BRAF: variants seen among roughly 807,000 people sequenced by gnomAD.
BRAF encodes the protein B-Raf proto-oncogene, serine/threonine kinase.
BRAF carries 16 observed loss-of-function variants against 104.6 expected under a neutral mutation model. That is an observed-to-expected ratio of 0.15 (90% CI 0.10 to 0.23). The LOEUF is 0.23. BRAF is among the 10% of genes least tolerant of loss of function. BRAF has a pLI of 1.00. For synonymous variants in BRAF, 310 were observed against 341.6 expected (o/e 0.91, Z 1.02); for missense variants, 541 against 937.3 (o/e 0.58, Z 5.52).
chr7:140,724,786 G>A lies in BRAF; in HGVS notation c.*1708C>T. The A allele has an allele frequency of 9.7e-7, 1 of 1,035,036 alleles. No homozygotes were observed. Among genetic ancestry groups the A allele is most frequent in the South Asian group, 4.6e-5 (1 of 21,712 alleles). The allele number at this position is 1,035,036 out of a possible 1,614,324, so 64.1% of individuals were successfully genotyped here. A position where few individuals can be genotyped will look rare whatever the true frequency, so the allele number is the denominator to read the frequency against. On this transcript the variant is annotated 3_prime_UTR_variant, in exon 20 of 20. Coordinates refer to ENST00000644969, the MANE Select transcript of BRAF (RefSeq NM_001374258.1). ...TCAAGTCCTTGGCTATAGCTTGGTT[G>A]GTCTGATTTGATTTGTGTTCCTAAA...
chr7:140,726,808 A>C (rs916318638), intron 19 of BRAF, among the ~76,000 whole-genome samples: 10 of 152,250 alleles, frequency 6.6e-5, no homozygotes, highest in African/African-American at 2.4e-4. Flanking sequence ...CAATGAACAA[A>C]ATTTCTCAGA....
intron 1 of BRAF, among the ~76,000 whole-genome samples, chr7:140,913,732 A>G (rs1005587813): frequency 2.6e-5 from 4 of 152,064 alleles, no homozygotes; most frequent in Admixed American, 1.3e-4. Flanking sequence ...TCCACCCGCC[A>G]GGGCCTTTCA....
chr7:140,734,589 C>T (rs2130867175), intron 19 of BRAF: 6 of 1,613,550 alleles, frequency 3.7e-6, no homozygotes, highest in Non-Finnish European at 5.1e-6. Flanking sequence ...CTCTCTCACT[C>T]ATTTGTTTCA....
chr7:140,899,493 T>C (rs1046794432), intron 1 of BRAF, among the ~76,000 whole-genome samples: 2 of 152,232 alleles, frequency 1.3e-5, no homozygotes, highest in Non-Finnish European at 2.9e-5. Flanking sequence ...GACTGCTTCA[T>C]AGCCTCACCA....
At chr7:140,921,049 A>G (rs1014724508) in intron 1 of BRAF, among the ~76,000 whole-genome samples, 1 of 152,220 alleles carries the variant, frequency 6.6e-6, no homozygotes, top group Non-Finnish European at 1.5e-5. Flanking sequence ...ATACATTATT[A>G]TAATTAAACA....
At chr7:140,832,868 G>C (rs1806921795) in intron 3 of BRAF, among the ~76,000 whole-genome samples, 1 of 148,770 alleles carries the variant, frequency 6.7e-6, no homozygotes, top group African/African-American at 2.5e-5. Flanking sequence ...GAGGAGGCTA[G>C]TTAAACCTTT....
intron 1 of BRAF, among the ~76,000 whole-genome samples, chr7:140,900,656 G>C (rs1211891532): frequency 6.6e-6 from 1 of 152,094 alleles, no homozygotes; most frequent in Non-Finnish European, 1.5e-5. Context: ...TGTTGCCCAG[G>C]CTAGAATGCA....
chr7:140,723,162 TG>T lies in BRAF; in HGVS notation c.*3331del. ...ATGAGGTTTGCAAGCAGCTGGCGGG[TG>T]GATGTACAGTGGGGACAGGTGAGAT... On this transcript the variant is annotated 3_prime_UTR_variant, in exon 20 of 20. Coordinates refer to ENST00000644969, the MANE Select transcript of BRAF (RefSeq NM_001374258.1). The T allele has an allele frequency of 9.5e-7, 1 of 1,053,086 alleles. No individual in the cohort carries two copies. Among genetic ancestry groups the T allele is most frequent in the East Asian group, 5.4e-5 (1 of 18,602 alleles). 65.2% of individuals were successfully genotyped at this position (1,053,086 alleles called of 1,614,324 possible). A position where few individuals can be genotyped will look rare whatever the true frequency, so the allele number is the denominator to read the frequency against.
intron 1 of BRAF, among the ~76,000 whole-genome samples, chr7:140,870,430 C>T (rs777874267): frequency 3.9e-5 from 6 of 151,946 alleles, no homozygotes; most frequent in Admixed American, 2.0e-4. Context: ...AAAGGAAAAA[C>T]GCCAATTCCA....
intron 5 of BRAF, among the ~76,000 whole-genome samples, chr7:140,803,161 C>T (rs559680207): frequency 2.0e-5 from 3 of 152,166 alleles, no homozygotes; most frequent in Non-Finnish European, 4.4e-5. Flanking sequence ...ACCATGTAGG[C>T]TTGTGTAAGC....
At chr7:140,757,677 C>A (rs1415884208) in intron 14 of BRAF, among the ~76,000 whole-genome samples, 1 of 152,148 alleles carries the variant, frequency 6.6e-6, no homozygotes, top group African/African-American at 2.4e-5. Context: ...TTGCCTGCTT[C>A]ATTTTTCTTT....
At chr7:140,855,322 G>C (rs1809653462) in intron 1 of BRAF, among the ~76,000 whole-genome samples, 1 of 151,982 alleles carries the variant, frequency 6.6e-6, no homozygotes, top group South Asian at 2.1e-4. Flanking sequence ...AAAACTTCAA[G>C]AAAGTTACTA....
intron 3 of BRAF, among the ~76,000 whole-genome samples, chr7:140,817,153 T>C (rs1804970135): frequency 6.6e-6 from 1 of 152,148 alleles, no homozygotes; most frequent in African/African-American, 2.4e-5. Flanking sequence ...CATTTCTACA[T>C]GCCAACAGCA....
intron 19 of BRAF, among the ~76,000 whole-genome samples, chr7:140,730,192 C>T (rs992209635): frequency 6.6e-6 from 1 of 151,636 alleles, no homozygotes; most frequent in Non-Finnish European, 1.5e-5. Context: ...TACTTCCTAC[C>T]CGTCTTCTAT....
chr7:140,921,080 G>T (rs979700987), intron 1 of BRAF, among the ~76,000 whole-genome samples: 29 of 152,160 alleles, frequency 1.9e-4, no homozygotes, highest in African/African-American at 6.0e-4. Context: ...GACGATCAGA[G>T]ATCTTGAAAA....
intron 1 of BRAF, among the ~76,000 whole-genome samples, chr7:140,903,087 G>A (rs1234738400): frequency 5.3e-5 from 8 of 151,956 alleles, no homozygotes; most frequent in Admixed American, 5.2e-4. Flanking sequence ...ACCATGCCTG[G>A]CTAATTTTGT....
intron 1 of BRAF, among the ~76,000 whole-genome samples, chr7:140,864,907 T>C (rs1289099047): frequency 2.0e-5 from 3 of 152,046 alleles, no homozygotes; most frequent in Non-Finnish European, 4.4e-5. Context: ...TCGGGAATGG[T>C]CTTCGATAAC....
chr7:140,901,103 A>G (rs1815578433), intron 1 of BRAF, among the ~76,000 whole-genome samples: 1 of 152,252 alleles, frequency 6.6e-6, no homozygotes, highest in Non-Finnish European at 1.5e-5. Flanking sequence ...AAGATCTATT[A>G]TAAGCAAAGT....
At chr7:140,790,194 G>A (rs1380416708) in intron 8 of BRAF, among the ~76,000 whole-genome samples, 7 of 152,140 alleles carry the variant, frequency 4.6e-5, no homozygotes, top group Non-Finnish European at 8.8e-5. Flanking sequence ...TTTCTTTTCT[G>A]TTGCATCAGC....
Sources: allele counts gnomAD v4.1 joint callset (sites outside exome capture counted in the v4.1 genomes callset), GRCh38; gene constraint gnomAD v4.1.1; transcripts MANE v1.5; gene names NCBI Gene and HGNC (gene_info 2026-07-23, HGNC 2026-07-21).